The following RBFOX1 variants were observed in gnomAD, a reference collection of about 807,000 sequenced individuals.
The protein encoded by RBFOX1 is RNA binding protein fox-1 homolog 1.
Under a neutral mutation model 57.7 loss-of-function variants are expected in RBFOX1, and 8 were observed. The ratio of observed to expected loss-of-function variants is 0.14; its 90% CI spans 0.08 to 0.25. The LOEUF is 0.25. Ranked by LOEUF, RBFOX1 falls within the 10% of genes least tolerant of loss-of-function variation. RBFOX1 has a pLI of 1.00. For missense variants in RBFOX1, 611 were observed against 548.5 expected, an observed-to-expected ratio of 1.11 and a Z score of -1.14; for synonymous variants, 326 against 222.4, an observed-to-expected ratio of 1.47 and a Z score of -4.15.
At chr16:5,835,061 C>T (rs1482720883) in intron 3 of RBFOX1, among the ~76,000 whole-genome samples, 1 of 152,108 alleles carries the variant, frequency 6.6e-6, no homozygotes, top group East Asian at 1.9e-4. Context: ...CAGATGAATC[C>T]TGCTTTTTGT....
At chr16:5,939,689 G>C (rs896178322) in intron 4 of RBFOX1, among the ~76,000 whole-genome samples, 1 of 152,030 alleles carries the variant, frequency 6.6e-6, no homozygotes, top group South Asian at 2.1e-4. Context: ...GGGAGGTGGT[G>C]GCTCCATTTT....
intron 5 of RBFOX1, among the ~76,000 whole-genome samples, chr16:7,530,598 G>C (rs1043018225): frequency 2.6e-5 from 4 of 151,996 alleles, no homozygotes; most frequent in South Asian, 4.2e-4. Flanking sequence ...AATGTCATGC[G>C]TTCCTGCCAG....
At chr16:7,166,629 G>C (rs1024758236) in intron 4 of RBFOX1, among the ~76,000 whole-genome samples, 2 of 152,046 alleles carry the variant, frequency 1.3e-5, no homozygotes, top group Non-Finnish European at 2.9e-5. Flanking sequence ...GCCCTCCTTC[G>C]ACACCCCTGA....
intron 3 of RBFOX1, among the ~76,000 whole-genome samples, chr16:6,739,250 AG>A (rs1261681224): frequency 6.6e-6 from 1 of 151,936 alleles, no homozygotes; most frequent in Non-Finnish European, 1.5e-5. Flanking sequence ...AAAAAAAAAA[AG>A]AAGGGAATAA....
intron 9 of RBFOX1, 34 bp downstream of exon 9, chr16:7,597,465 C>T (rs756806970): frequency 1.3e-6 from 2 of 1,521,706 alleles, no homozygotes; most frequent in South Asian, 1.2e-5. Context: ...AAGAAATTCT[C>T]TCTACTTCTG....
intron 4 of RBFOX1, among the ~76,000 whole-genome samples, chr16:5,944,394 T>G (rs977196403): frequency 2.3e-4 from 35 of 152,254 alleles, no homozygotes; most frequent in Admixed American, 2.2e-3. Context: ...AGCAGTTACA[T>G]GAAGACGTGA....
intron 3 of RBFOX1, among the ~76,000 whole-genome samples, chr16:6,786,444 T>G (rs1218351064): frequency 1.3e-5 from 2 of 152,110 alleles, no homozygotes; most frequent in Non-Finnish European, 2.9e-5. Flanking sequence ...GGAAGAAACA[T>G]TTTTACAGGG....
At chr16:5,872,418 C>A (rs985799946) in intron 4 of RBFOX1, among the ~76,000 whole-genome samples, 1 of 152,136 alleles carries the variant, frequency 6.6e-6, no homozygotes, top group Admixed American at 6.6e-5. Flanking sequence ...TTTGTTTGAA[C>A]TTTAAATGAA....
At chr16:7,531,827 T>C (rs2080154750) in intron 5 of RBFOX1, among the ~76,000 whole-genome samples, 1 of 152,136 alleles carries the variant, frequency 6.6e-6, no homozygotes, top group South Asian at 2.1e-4. Context: ...ATCTTAACAA[T>C]CCTGCAAGTC....
chr16:7,702,130 G>A (rs1335897405), intron 14 of RBFOX1, among the ~76,000 whole-genome samples: 3 of 152,170 alleles, frequency 2.0e-5, no homozygotes, highest in African/African-American at 4.8e-5. Flanking sequence ...GATGCGCACT[G>A]GGATTAGCCC....
chr16:7,397,329 G>C lies in RBFOX1; in HGVS notation c.28-120818G>C, dbSNP rs141321260. Among the ~76,000 whole-genome samples the C allele has an allele frequency of 9.4e-4, 143 of 152,234 alleles. 1 individual carries two copies. Among genetic ancestry groups the C allele is most frequent in the African/African-American group, 3.4e-3 (140 of 41,538 alleles). On this transcript the variant is annotated intron_variant, in intron 4 of 15. Transcript: ENST00000550418. The stretch of plus-strand genomic sequence containing the variant: ...AGATATTTAACATGCTATTCACTTT[G>C]CAAGTGACTTTTCAGGACCACTTAT...
At chr16:7,188,701 G>T (rs2084546547) in intron 4 of RBFOX1, among the ~76,000 whole-genome samples, 1 of 152,156 alleles carries the variant, frequency 6.6e-6, no homozygotes, top group Non-Finnish European at 1.5e-5. Context: ...TTATTCTGCT[G>T]CAGTCTTCAT....
chr16:5,298,197 A>G (rs940601368), intron 1 of RBFOX1, among the ~76,000 whole-genome samples: 1 of 152,218 alleles, frequency 6.6e-6, no homozygotes, highest in Non-Finnish European at 1.5e-5. Flanking sequence ...TTGGATTTTT[A>G]TGTGAAATTT....
At chr16:6,867,111 T>A (rs1278783237) in intron 3 of RBFOX1, among the ~76,000 whole-genome samples, 1 of 152,200 alleles carries the variant, frequency 6.6e-6, no homozygotes, top group East Asian at 1.9e-4. Context: ...CAGTGGGAAT[T>A]TCTGATAAAG....
chr16:5,891,925 A>C (rs1202291105), intron 4 of RBFOX1, among the ~76,000 whole-genome samples: 2 of 152,194 alleles, frequency 1.3e-5, no homozygotes, highest in African/African-American at 4.8e-5. Context: ...TTCCTCAGTG[A>C]GATCAACAAG....
intron 3 of RBFOX1, among the ~76,000 whole-genome samples, chr16:6,947,439 C>G (rs971959883): frequency 2.0e-5 from 3 of 152,188 alleles, no homozygotes; most frequent in Non-Finnish European, 4.4e-5. Context: ...CTGGCTTCAA[C>G]TGGCCGTATT....
At chr16:6,441,783 G>A (rs802318) in intron 2 of RBFOX1, among the ~76,000 whole-genome samples, 51,852 of 151,970 alleles carry the variant, frequency 0.34, 10,266 homozygotes, top group African/African-American at 0.54. Context: ...CATGTTTTAC[G>A]TCTCACAGCT....
At chr16:6,150,648 T>TA (rs1242741062) in intron 1 of RBFOX1, among the ~76,000 whole-genome samples, 1 of 152,150 alleles carries the variant, frequency 6.6e-6, no homozygotes, top group Non-Finnish European at 1.5e-5. Context: ...ATGACACACT[T>TA]ACGGAAATTA....
intron 3 of RBFOX1, among the ~76,000 whole-genome samples, chr16:6,692,820 C>G (rs1318564428): frequency 1.3e-5 from 2 of 152,122 alleles, no homozygotes; most frequent in African/African-American, 4.8e-5. Flanking sequence ...CTACCATCAT[C>G]ATCAACATTA....
Sources: gnomAD v4.1 joint callset for allele counts (sites outside exome capture counted in the v4.1 genomes callset) on GRCh38, gnomAD v4.1.1 for gene constraint, MANE v1.5 for transcripts, NCBI Gene and HGNC (gene_info 2026-07-23, HGNC 2026-07-21) for gene names.